SEMA3E: variants seen among roughly 807,000 people sequenced by gnomAD.
The protein encoded by SEMA3E is semaphorin 3E.
SEMA3E carries 49 observed loss-of-function variants against 93.6 expected under a neutral mutation model. The ratio of observed to expected loss-of-function variants is 0.52; its 90% CI spans 0.42 to 0.66. The LOEUF is 0.66. Ranked by LOEUF, SEMA3E falls within the 30% of genes least tolerant of loss-of-function variation. The pLI, the probability that SEMA3E is intolerant of heterozygous loss-of-function variation, is 0.00. For synonymous variants in SEMA3E, 363 were observed against 330.7 expected, an observed-to-expected ratio of 1.10 and a Z score of -1.06; for missense variants, 906 against 964.8, an observed-to-expected ratio of 0.94 and a Z score of 0.81.
rs1787857568 is a variant in SEMA3E, at chr7:83,385,381, G to A, written c.1788C>T (p.Asn596=). The change falls in exon 16 of 17, where the codon AAC becomes AAT. Residue 596 remains asparagine, a synonymous_variant. Transcript: ENST00000643230. ...GTGGGGTACATTCCAGCAAAGTACT[G>A]TTGTTCTCTATGCCATAAGCCAGAT... The part of the protein sequence containing the change: ...EEHLAYGIEN[N]STLLECTPRS... 1 of 1,613,472 alleles carries A rather than the reference G, an allele frequency of 6.2e-7. No individual in the cohort carries two copies. The highest frequency in any genetic ancestry group is 8.5e-7 in the Non-Finnish European group (1 of 1,179,570).
chr7:83,434,713 T>C (rs1296270257), intron 4 of SEMA3E, among the ~76,000 whole-genome samples: 2 of 76,120 alleles, frequency 2.6e-5, no homozygotes, highest in Admixed American at 1.1e-4. Context: ...GTATTTCTTT[T>C]TTTTTTTTTT....
At chr7:83,524,505 C>T (rs1791112919) in intron 1 of SEMA3E, among the ~76,000 whole-genome samples, 1 of 152,110 alleles carries the variant, frequency 6.6e-6, no homozygotes, top group African/African-American at 2.4e-5. Flanking sequence ...GGCCACACAA[C>T]ATTCCTAGAA....
chr7:83,631,144 AT>A (rs1252283707), intron 1 of SEMA3E, among the ~76,000 whole-genome samples: 4 of 151,946 alleles, frequency 2.6e-5, no homozygotes, highest in Admixed American at 6.5e-5. Context: ...AAATTAAGAC[AT>A]TTAAAAAGCT....
intron 4 of SEMA3E, among the ~76,000 whole-genome samples, chr7:83,463,721 G>A (rs1298225321): frequency 2.0e-5 from 3 of 152,034 alleles, no homozygotes; most frequent in South Asian, 2.1e-4. Context: ...CCACTAGCCC[G>A]CCTCTTAGAA....
chr7:83,468,012 A>G (rs926655439), intron 3 of SEMA3E, among the ~76,000 whole-genome samples: 3 of 152,228 alleles, frequency 2.0e-5, no homozygotes, highest in Non-Finnish European at 2.9e-5. Flanking sequence ...TGAAATAAAT[A>G]CTAAACTCTT....
At chr7:83,555,056 C>T (rs1791858999) in intron 1 of SEMA3E, among the ~76,000 whole-genome samples, 1 of 150,900 alleles carries the variant, frequency 6.6e-6, no homozygotes, top group Admixed American at 6.6e-5. Context: ...TTAATAGAAA[C>T]AATTTAACTA....
chr7:83,466,735 G>A, intron 3 of SEMA3E, 134 bp from the exon 4 acceptor site: 1 of 1,075,820 alleles, frequency 9.3e-7, no homozygotes, highest in Non-Finnish European at 1.4e-6. Context: ...AGGCAAGAGG[G>A]GTAGAAGAAA....
chr7:83,510,438 C>T (rs1456932636), intron 1 of SEMA3E, among the ~76,000 whole-genome samples: 1 of 152,110 alleles, frequency 6.6e-6, no homozygotes. Flanking sequence ...ATGATTTTAA[C>T]ACATCATCTT....
At chr7:83,473,358 T>A (rs1236242589) in intron 2 of SEMA3E, among the ~76,000 whole-genome samples, 1 of 152,176 alleles carries the variant, frequency 6.6e-6, no homozygotes, top group African/African-American at 2.4e-5. Context: ...CCTGTGACAG[T>A]AAGACAGACT....
At chr7:83,636,286 T>C (rs1322186370) in intron 1 of SEMA3E, among the ~76,000 whole-genome samples, 1 of 152,150 alleles carries the variant, frequency 6.6e-6, no homozygotes, top group East Asian at 1.9e-4. Flanking sequence ...GCCTAATATG[T>C]TGCAAAAGGG....
At chr7:83,392,342 G>A (rs1224560244) in intron 14 of SEMA3E, among the ~76,000 whole-genome samples, 1 of 151,846 alleles carries the variant, frequency 6.6e-6, no homozygotes, top group African/African-American at 2.4e-5. Flanking sequence ...ATCTGAACTC[G>A]TTTCATGTCT....
chr7:83,396,012 ACCAAAACTG>A (rs1788111290), intron 12 of SEMA3E, among the ~76,000 whole-genome samples: 1 of 152,006 alleles, frequency 6.6e-6, no homozygotes, highest in South Asian at 2.1e-4. Context: ...AACTTTGAAG[ACCAAAACTG>A]CTGCAAATGA....
intron 16 of SEMA3E, chr7:83,372,083 A>C (rs1031543809): frequency 5.1e-6 from 2 of 391,078 alleles, no homozygotes; most frequent in Admixed American, 8.9e-5. Context: ...GATAGTGTAA[A>C]ATGAGAACAT....
At chr7:83,453,527 T>C (rs1208491413) in intron 4 of SEMA3E, among the ~76,000 whole-genome samples, 1 of 150,158 alleles carries the variant, frequency 6.7e-6, no homozygotes, top group African/African-American at 2.5e-5. Context: ...AACAAAACCA[T>C]ATACAGTAAT....
At chr7:83,417,728 C>T (rs1788581542) in intron 5 of SEMA3E, among the ~76,000 whole-genome samples, 3 of 152,030 alleles carry the variant, frequency 2.0e-5, no homozygotes, top group Admixed American at 2.0e-4. Context: ...CAATTTTTAA[C>T]CCCAAATTGC....
At chr7:83,616,728 T>TTTC in intron 1 of SEMA3E, 1 of 149,676 alleles carries the variant, frequency 6.7e-6, no homozygotes, top group East Asian at 1.8e-4. Flanking sequence ...TCTTTCTTTC[T>TTTC]TTTTTTTTTT....
intron 16 of SEMA3E, among the ~76,000 whole-genome samples, chr7:83,373,552 G>T (rs1225690043): frequency 6.6e-6 from 1 of 152,118 alleles, no homozygotes; most frequent in Non-Finnish European, 1.5e-5. Context: ...AGGATGAATT[G>T]TTTAAAAGCT....
chr7:83,400,102 T>C lies in SEMA3E; in HGVS notation c.1292A>G (p.Tyr431Cys). The C allele has an allele frequency of 6.2e-7, 1 of 1,614,116 alleles. No individual in the cohort carries two copies. Among genetic ancestry groups the C allele is most frequent in the Non-Finnish European group, 8.5e-7 (1 of 1,179,990 alleles). Residue 431 changes from tyrosine (Y) to cysteine (C), a missense_variant, in exon 11 of 17, where the codon TAT becomes TGT. Coordinates refer to ENST00000643230, the MANE Select transcript of SEMA3E (RefSeq NM_012431.3). Reference protein sequence around the residue: ...KPILVKTDGKYNLKQIAVDRV... With the variant: ...KPILVKTDGKCNLKQIAVDRV... ...ATCTACTGCTATTTGTTTCAGGTTATATTTTCCATCTGTTTTTACCAATAT... is the reference window on the plus strand; with the variant it reads ...ATCTACTGCTATTTGTTTCAGGTTACATTTTCCATCTGTTTTTACCAATAT...
intron 1 of SEMA3E, among the ~76,000 whole-genome samples, chr7:83,527,767 G>T (rs1791191372): frequency 2.0e-5 from 1 of 49,338 alleles, no homozygotes; most frequent in South Asian, 2.1e-3. Context: ...TATTTACGTA[G>T]AATTTTTGTG....
Sources: allele counts gnomAD v4.1 joint callset (sites outside exome capture counted in the v4.1 genomes callset), GRCh38; gene constraint gnomAD v4.1.1; transcripts MANE v1.5; gene names NCBI Gene and HGNC (gene_info 2026-07-23, HGNC 2026-07-21).